Variants in SMG9 observed in about 807,000 individuals in gnomAD.
SMG9 encodes the protein SMG9 nonsense mediated mRNA decay factor, also known as nonsense-mediated mRNA decay factor SMG9.
In SMG9, 55 loss-of-function variants were observed where a neutral mutation model predicts 64.0. The ratio of observed to expected loss-of-function variants is 0.86; its 90% CI spans 0.69 to 1.08. SMG9 has a LOEUF of 1.08. Ranked by LOEUF, SMG9 falls within the 50% of genes least tolerant of loss-of-function variation. The probability of loss-of-function intolerance (pLI) is 0.00; values close to 1 mark genes in which losing one functional copy is unlikely to be tolerated. For synonymous variants in SMG9, 244 were observed against 254.8 expected (o/e 0.96, Z 0.41); for missense variants, 554 against 681.3 (o/e 0.81, Z 2.08).
intron 6 of SMG9, among the ~76,000 whole-genome samples, chr19:43,741,953 G>A (rs769935318): frequency 2.6e-5 from 4 of 152,052 alleles, no homozygotes; most frequent in Admixed American, 6.6e-5. Flanking sequence ...TTCAAGACCA[G>A]CTTGGCCAAC....
chr19:43,746,278 C>T (rs1380969935), intron 5 of SMG9, among the ~76,000 whole-genome samples: 1 of 152,222 alleles, frequency 6.6e-6, no homozygotes, highest in Non-Finnish European at 1.5e-5. Context: ...ATTGATCATA[C>T]ATGGCTATTT....
chr19:43,734,662 T>C (rs1968600684), intron 9 of SMG9, 167 bp from the exon 10 acceptor site: 1 of 544,156 alleles, frequency 1.8e-6, no homozygotes, highest in African/African-American at 1.9e-5. Context: ...GAGATAATCC[T>C]CTCAGATACC....
chr19:43,732,085 GGCA>G (rs1968504226), intron 13 of SMG9, among the ~76,000 whole-genome samples: 2 of 152,164 alleles, frequency 1.3e-5, no homozygotes, highest in Admixed American at 6.5e-5. Context: ...TTAGACCAAT[GGCA>G]GGAGCAGAGC....
chr19:43,733,778 G>T, intron 10 of SMG9, 45 bp from the exon 11 acceptor site: 1 of 1,476,534 alleles, frequency 6.8e-7, no homozygotes, highest in Non-Finnish European at 9.4e-7. Flanking sequence ...ACATCGCTTG[G>T]CTTCATGGAC....
Position 43,730,490 on chromosome 19 carries a change from G to A in SMG9, c.*1106C>T, listed in dbSNP as rs1568592166. On this transcript the variant is annotated 3_prime_UTR_variant, in exon 14 of 14. Transcript: ENST00000270066. ...CAGAAGGCACTGTCTGTACGGGTGA[G>A]GCATGGTATTTGGATTAAGGGTAAG... is the stretch of plus-strand genomic sequence containing the variant. The A allele has an allele frequency of 6.6e-6, 1 of 152,150 alleles. No individual in the cohort carries two copies. The allele number at this position is 152,150 out of a possible 1,614,324, so 9.4% of individuals were successfully genotyped here.
At chr19:43,732,718 A>G in intron 13 of SMG9, 140 bp downstream of exon 13, 14 of 968,204 alleles carry the variant, frequency 1.4e-5, no homozygotes, top group Non-Finnish European at 2.2e-5. Context: ...AGACAGTAGC[A>G]ATCATCACTG....
chr19:43,751,827 T>C (rs902366784), intron 1 of SMG9, among the ~76,000 whole-genome samples: 22 of 152,222 alleles, frequency 1.4e-4, no homozygotes, highest in Admixed American at 1.4e-3. Context: ...CACGTTAACC[T>C]TGAATTGCCT....
intron 5 of SMG9, among the ~76,000 whole-genome samples, chr19:43,747,093 C>T (rs1292760385): frequency 2.0e-5 from 3 of 152,256 alleles, no homozygotes; most frequent in South Asian, 2.1e-4. Context: ...GCTGGGATTA[C>T]AGGCATGAGC....
At chr19:43,731,713 C>A in intron 13 of SMG9, 39 bp from the exon 14 acceptor site, 5 of 1,613,552 alleles carry the variant, frequency 3.1e-6, no homozygotes, top group Non-Finnish European at 4.2e-6. Context: ...CTGGCCGGGG[C>A]TCCCCCCAGC....
intron 2 of SMG9, among the ~76,000 whole-genome samples, chr19:43,749,670 C>T (rs1342837203): frequency 1.3e-5 from 2 of 152,212 alleles, no homozygotes; most frequent in Non-Finnish European, 2.9e-5. Flanking sequence ...CCTGACATCT[C>T]TGAGGTGGAC....
In SMG9 at chr19:43,754,863, A is replaced by C. The variant is rs777724901; in HGVS notation, c.-216T>G. 5 of 152,308 alleles carry C rather than the reference A, an allele frequency of 3.3e-5. No individual in the cohort carries two copies. The highest frequency in any genetic ancestry group is 7.3e-5 in the Non-Finnish European group (5 of 68,134). 9.4% of individuals were successfully genotyped at this position (152,308 alleles called of 1,614,324 possible). On this transcript the variant is annotated 5_prime_UTR_variant, in exon 1 of 14. Transcript: ENST00000270066. ...CCCCTAAGGAAAGCTGGGCCGAAGGAAGAAGAGGAGGAGGATGTAACGCGG... is the reference window on the plus strand; with the variant it reads ...CCCCTAAGGAAAGCTGGGCCGAAGGCAGAAGAGGAGGAGGATGTAACGCGG...
chr19:43,742,072 T>G (rs972925756), intron 6 of SMG9, among the ~76,000 whole-genome samples: 1 of 152,078 alleles, frequency 6.6e-6, no homozygotes, highest in African/African-American at 2.4e-5. Context: ...TGCCTAAACC[T>G]AGGAGATAGA....
Position 43,730,812 on chromosome 19 carries a change from C to A in SMG9, c.*784G>T, listed in dbSNP as rs1232826315. On this transcript the variant is annotated 3_prime_UTR_variant, in exon 14 of 14. Transcript: ENST00000270066. Reference sequence around the variant, plus strand: ...CGAACTCCTGATCTCAAGTGATCCGCCTGCCTCGGCCTCCCAAAGTGCTAG... The same window carrying A: ...CGAACTCCTGATCTCAAGTGATCCGACTGCCTCGGCCTCCCAAAGTGCTAG... 6.6e-6 allele frequency: 1 copy of A among 152,310 alleles called. No homozygotes were observed. Among genetic ancestry groups the A allele is most frequent in the Non-Finnish European group, 1.5e-5 (1 of 68,134 alleles). 9.4% of individuals were successfully genotyped at this position (152,310 alleles called of 1,614,324 possible).
At position 43,734,293 on chromosome 19, in the gene SMG9, C is replaced by T; in HGVS notation, c.1102+96G>A. On this transcript the variant is annotated intron_variant, in intron 10 of 13. Coordinates refer to ENST00000270066, the MANE Select transcript of SMG9 (RefSeq NM_019108.4). ...AAAGTGCTCCACCCAGAACCCCACT[C>T]CTTCCTCTCTCTCCCCTCTTCTCCA... 3.0e-6 allele frequency: 3 copies of T among 997,572 alleles called. No individual in the cohort carries two copies. In the South Asian group the frequency reaches 4.4e-5, roughly 15 times the overall value. 61.8% of individuals were successfully genotyped at this position (997,572 alleles called of 1,614,324 possible). A position where few individuals can be genotyped will look rare whatever the true frequency, so the allele number is the denominator to read the frequency against.
chr19:43,743,135 A>G (rs1344454190), intron 6 of SMG9, among the ~76,000 whole-genome samples: 1 of 152,060 alleles, frequency 6.6e-6, no homozygotes, highest in Non-Finnish European at 1.5e-5. Flanking sequence ...AAGAGTTGAT[A>G]CTGAAGTCTA....
intron 9 of SMG9, among the ~76,000 whole-genome samples, chr19:43,736,877 A>C (rs1159554816): frequency 6.6e-6 from 1 of 152,216 alleles, no homozygotes; most frequent in East Asian, 1.9e-4. Flanking sequence ...CACGAGGGCG[A>C]GAGTCTGAGG....
chr19:43,736,970 G>A (rs548882801), intron 9 of SMG9, among the ~76,000 whole-genome samples: 2 of 152,310 alleles, frequency 1.3e-5, no homozygotes, highest in South Asian at 4.1e-4. Flanking sequence ...ATGAGGCCCT[G>A]TGGCTTTAAT....
intron 5 of SMG9, among the ~76,000 whole-genome samples, chr19:43,747,110 C>T (rs1332025834): frequency 6.6e-6 from 1 of 152,106 alleles, no homozygotes; most frequent in East Asian, 1.9e-4. Context: ...GAGCCACCAG[C>T]AAGGGTTTCA....
chr19:43,748,222 G>A (rs764713790), intron 2 of SMG9, among the ~76,000 whole-genome samples, 170 bp from the exon 3 acceptor site: 1 of 152,206 alleles, frequency 6.6e-6, no homozygotes, highest in Non-Finnish European at 1.5e-5. Flanking sequence ...AGAAAATGAA[G>A]CCTAGAAAGG....
Sources: allele counts gnomAD v4.1 joint callset (sites outside exome capture counted in the v4.1 genomes callset), GRCh38; gene constraint gnomAD v4.1.1; transcripts MANE v1.5; gene names NCBI Gene and HGNC (gene_info 2026-07-23, HGNC 2026-07-21).